ACOX3: variants seen among roughly 807,000 people sequenced by gnomAD.
The protein encoded by ACOX3 is acyl-CoA oxidase 3, pristanoyl.
ACOX3 carries 73 observed loss-of-function variants against 81.5 expected under a neutral mutation model. The ratio of observed to expected loss-of-function variants is 0.90; its 90% CI spans 0.74 to 1.09. The LOEUF is 1.09. ACOX3 is among the 50% of genes least tolerant of loss of function. The probability of loss-of-function intolerance (pLI) is 0.00; values close to 1 mark genes in which losing one functional copy is unlikely to be tolerated. For missense variants in ACOX3, 947 were observed against 928.0 expected, an observed-to-expected ratio of 1.02 and a Z score of -0.27; for synonymous variants, 387 against 375.1, an observed-to-expected ratio of 1.03 and a Z score of -0.37.
Position 8,421,697 on chromosome 4 carries a change from G to A in ACOX3, c.-14-5162C>T, listed in dbSNP as rs925306499. ...CCAAAGGGATCTAAGGAAGCTCTAC[G>A]CTGTGTCCTTAAGCACCTAGGGTAT... is the stretch of plus-strand genomic sequence containing the variant. On this transcript the variant is annotated intron_variant, in intron 1 of 17. Transcript: ENST00000356406. Among the ~76,000 whole-genome samples, 25 of 152,292 alleles carry A rather than the reference G, an allele frequency of 1.6e-4. 1 individual carries two copies. The highest frequency in any genetic ancestry group is 4.8e-4 in the African/African-American group (20 of 41,550).
Position 8,407,401 on chromosome 4 carries a change from TG to T in ACOX3, c.688-1359del, listed in dbSNP as rs1368411508. 6.6e-6 allele frequency among the ~76,000 whole-genome samples: 1 copy of T among 152,200 alleles called. No homozygotes were observed. The highest frequency in any genetic ancestry group is 1.5e-5 in the Non-Finnish European group (1 of 68,022). On this transcript the variant is annotated intron_variant, in intron 6 of 17. Coordinates refer to ENST00000356406, the MANE Select transcript of ACOX3 (RefSeq NM_003501.3). This position sits in a 1 kb window ranked among gnomAD's most constrained non-coding sequence, Gnocchi z 4.6. ...GCACCTGGGTGGCTTGCCGCCCACA[TG>T]GGGCCACAGGCCTGGGGCCACCAGG... is the stretch of plus-strand genomic sequence containing the variant.
Position 8,397,225 on chromosome 4 carries a change from T to A in ACOX3, c.874-106A>T, listed in dbSNP as rs1719812972. On this transcript the variant is annotated intron_variant, in intron 8 of 17. Coordinates refer to ENST00000356406, the MANE Select transcript of ACOX3 (RefSeq NM_003501.3). ...CTCGTTTGTTCATCCAAAGTAGACC[T>A]GTGCCCACCTGCCCAGGCCCCATCC... 2.7e-6 allele frequency: 3 copies of A among 1,131,470 alleles called. No individual in the cohort carries two copies. In the South Asian group the frequency reaches 5.7e-5, roughly 21 times the overall value. 70.1% of individuals were successfully genotyped at this position (1,131,470 alleles called of 1,614,324 possible).
chr4:8,428,690 G>A (rs550080042), intron 1 of ACOX3, among the ~76,000 whole-genome samples: 1 of 152,318 alleles, frequency 6.6e-6, no homozygotes, highest in South Asian at 2.1e-4. Context: ...GAGCGCCGTA[G>A]TTCTGAGATG....
chr4:8,380,878 G>A (rs1717561486), intron 14 of ACOX3, among the ~76,000 whole-genome samples: 1 of 152,168 alleles, frequency 6.6e-6, no homozygotes, highest in African/African-American at 2.4e-5. Flanking sequence ...GCCCCCACCG[G>A]CTGCCCCCTA....
rs555728011 is a variant in ACOX3, at chr4:8,440,537, T to C, written c.-15+111A>G. On this transcript the variant is annotated intron_variant, in intron 1 of 17. Coordinates refer to ENST00000356406, the MANE Select transcript of ACOX3 (RefSeq NM_003501.3). ...CTCCCTGACTTTTATCGGTAATCAGTACTGAGGACAATGCGTTCCACACCC... is the reference window on the plus strand; with the variant it reads ...CTCCCTGACTTTTATCGGTAATCAGCACTGAGGACAATGCGTTCCACACCC... The C allele has an allele frequency of 2.6e-5, 10 of 391,824 alleles. No homozygotes were observed. In the South Asian group the frequency reaches 4.7e-4, roughly 18 times the overall value. The allele number at this position is 391,824 out of a possible 1,614,324, so 24.3% of individuals were successfully genotyped here. A position where few individuals can be genotyped will look rare whatever the true frequency, so the allele number is the denominator to read the frequency against.
At chr4:8,435,524 C>T (rs1036344281) in intron 1 of ACOX3, among the ~76,000 whole-genome samples, 1 of 152,038 alleles carries the variant, frequency 6.6e-6, no homozygotes. Context: ...AAAGAATTGC[C>T]CTCTTTTGGT....
In ACOX3 at chr4:8,386,123, CACATGGAG is replaced by C. The variant is rs1718263127; in HGVS notation, c.1537+3042_1537+3049del. ...GGAGGGAAGAGCAGAGCGTGATGGG[CACATGGAG>C]AAGCTGGCTGTCCCATTTATGTTTT... On this transcript the variant is annotated intron_variant, in intron 13 of 17. Coordinates refer to ENST00000356406, the MANE Select transcript of ACOX3 (RefSeq NM_003501.3). This position sits in a 1 kb window ranked among gnomAD's most constrained non-coding sequence, Gnocchi z 5.2. Among the ~76,000 whole-genome samples the C allele has an allele frequency of 6.6e-6, 1 of 152,140 alleles. No individual in the cohort carries two copies. Among genetic ancestry groups the C allele is most frequent in the Non-Finnish European group, 1.5e-5 (1 of 68,032 alleles).
chr4:8,356,526 G>T, the ACOX3 span: 1 of 449,890 alleles, frequency 2.2e-6, no homozygotes, highest in Non-Finnish European at 4.5e-6. Flanking sequence ...AGTGGAAAAA[G>T]ATGTCCACAG....
chr4:8,359,964 T>A, the ACOX3 span, among the ~76,000 whole-genome samples: 1 of 152,214 alleles, frequency 6.6e-6, no homozygotes, highest in African/African-American at 2.4e-5. This position sits in a 1 kb window ranked among gnomAD's most constrained non-coding sequence, Gnocchi z 6.0. Context: ...GAGGAGTACC[T>A]TAGGATAGAG....
At chr4:8,428,331 C>T (rs1279916801) in intron 1 of ACOX3, 1 of 152,786 alleles carries the variant, frequency 6.5e-6, no homozygotes. Flanking sequence ...GTCCTCGCTG[C>T]TCTGCACCGT....
intron 7 of ACOX3, among the ~76,000 whole-genome samples, chr4:8,403,630 T>C (rs1343006226): frequency 6.6e-6 from 1 of 152,204 alleles, no homozygotes; most frequent in African/African-American, 2.4e-5. Flanking sequence ...GGCGATCCTA[T>C]AGGAGACCGT....
chr4:8,435,029 C>T (rs187339468), intron 1 of ACOX3, among the ~76,000 whole-genome samples: 22 of 152,108 alleles, frequency 1.4e-4, no homozygotes, highest in African/African-American at 3.6e-4. Flanking sequence ...AAGCCCACTC[C>T]GCTAGAAACT....
Position 8,370,668 on chromosome 4 carries a change from C to T in ACOX3, c.1983+240G>A, listed in dbSNP as rs540516272. Among the ~76,000 whole-genome samples the T allele has an allele frequency of 1.3e-5, 2 of 152,160 alleles. No homozygotes were observed. The highest frequency in any genetic ancestry group is 4.8e-5 in the African/African-American group (2 of 41,500). ...CTGTGCAGGCGGGCAGTGCCACCAC[C>T]CCATCTCGGGAGGAAAAGGCAGGCA... On this transcript the variant is annotated intron_variant, in intron 17 of 17. Transcript: ENST00000356406. The surrounding 1 kb of genome is among the most constrained non-coding windows in gnomAD (Gnocchi z 6.3).
Position 8,405,915 on chromosome 4 carries a change from T to C in ACOX3, c.776+40A>G. The C allele has an allele frequency of 6.3e-7, 1 of 1,587,190 alleles. No homozygotes were observed. Among genetic ancestry groups the C allele is most frequent in the Non-Finnish European group, 8.7e-7 (1 of 1,155,600 alleles). On this transcript the variant is annotated intron_variant, in intron 7 of 17. Coordinates refer to ENST00000356406, the MANE Select transcript of ACOX3 (RefSeq NM_003501.3). This position sits in a 1 kb window ranked among gnomAD's most constrained non-coding sequence, Gnocchi z 7.1. ...CATGAGCGACAACGCAGCCTGGGCC[T>C]TGGCAGGAAGCTCAGGGCTCAGCAG...
intron 1 of ACOX3, among the ~76,000 whole-genome samples, chr4:8,418,728 C>T (rs1370439459): frequency 1.3e-5 from 2 of 151,900 alleles, no homozygotes; most frequent in African/African-American, 4.8e-5. Context: ...GGCATGGTGG[C>T]GCATGCTTGT....
chr4:8,390,497 T>G (rs1718862587), intron 11 of ACOX3, among the ~76,000 whole-genome samples: 1 of 152,246 alleles, frequency 6.6e-6, no homozygotes, highest in Non-Finnish European at 1.5e-5. Flanking sequence ...CTCAGCGAGC[T>G]GATGCCCCCA....
chr4:8,385,334 C>T lies in ACOX3; in HGVS notation c.1538-3727G>A, dbSNP rs955242406. ...ACCGCTCACCTGTGACCTCACTGCTCACCTCACATGACCTCACTGTGCACT... is the reference window on the plus strand; with the variant it reads ...ACCGCTCACCTGTGACCTCACTGCTTACCTCACATGACCTCACTGTGCACT... On this transcript the variant is annotated intron_variant, in intron 13 of 17. Coordinates refer to ENST00000356406, the MANE Select transcript of ACOX3 (RefSeq NM_003501.3). The surrounding 1 kb of genome is among the most constrained non-coding windows in gnomAD (Gnocchi z 5.5). Among the ~76,000 whole-genome samples the T allele has an allele frequency of 1.3e-5, 2 of 152,086 alleles. No homozygotes were observed. The highest frequency in any genetic ancestry group is 2.4e-5 in the African/African-American group (1 of 41,386).
chr4:8,424,523 T>C (rs1578992950), intron 1 of ACOX3, among the ~76,000 whole-genome samples: 1 of 152,168 alleles, frequency 6.6e-6, no homozygotes, highest in Non-Finnish European at 1.5e-5. Context: ...GCAGTAGCAG[T>C]CTTAGTATCT....
Position 8,382,752 on chromosome 4 carries a change from G to T in ACOX3, c.1538-1145C>A, listed in dbSNP as rs946330550. Among the ~76,000 whole-genome samples the T allele has an allele frequency of 6.6e-6, 1 of 152,124 alleles. No individual in the cohort carries two copies. Among genetic ancestry groups the T allele is most frequent in the African/African-American group, 2.4e-5 (1 of 41,442 alleles). The stretch of plus-strand genomic sequence containing the variant: ...TCACACCTGTAATCCCAGCACTTTG[G>T]GAGGCAGAGGCGGGCGGATCACGAG... On this transcript the variant is annotated intron_variant, in intron 13 of 17. Transcript: ENST00000356406. The surrounding 1 kb of genome is among the most constrained non-coding windows in gnomAD (Gnocchi z 4.1).
Sources: allele counts gnomAD v4.1 joint callset (sites outside exome capture counted in the v4.1 genomes callset), GRCh38; gene constraint gnomAD v4.1.1; non-coding constraint Gnocchi (gnomAD v3.1); transcripts MANE v1.5; gene names NCBI Gene and HGNC (gene_info 2026-07-23, HGNC 2026-07-21).